Variants in SHLD1 observed in about 807,000 individuals in gnomAD.
SHLD1 encodes RINN1-REV7-interacting novel NHEJ regulator 3.
A neutral mutation model predicts 5.5 loss-of-function variants in SHLD1; 3 were observed. The ratio of observed to expected loss-of-function variants is 0.54; its 90% CI spans 0.25 to 1.40. The LOEUF is 1.40. SHLD1 is among the 40% of genes most tolerant of loss of function. The probability of loss-of-function intolerance (pLI) is 0.15; values close to 1 mark genes in which losing one functional copy is unlikely to be tolerated. For synonymous variants in SHLD1, 92 were observed against 94.3 expected, an observed-to-expected ratio of 0.98 and a Z score of 0.14; for missense variants, 210 against 244.4, an observed-to-expected ratio of 0.86 and a Z score of 0.94.
intron 2 of SHLD1, among the ~76,000 whole-genome samples, chr20:5,789,208 CTTTT>C (rs10545298): frequency 6.0e-4 from 85 of 141,946 alleles, no homozygotes; most frequent in East Asian, 8.2e-4. Context: ...AAAAGTTGTG[CTTTT>C]TTTTTTTTTT....
chr20:5,802,168 A>G (rs972707146), intron 2 of SHLD1, among the ~76,000 whole-genome samples: 5 of 152,216 alleles, frequency 3.3e-5, no homozygotes, highest in African/African-American at 7.2e-5. Flanking sequence ...AAGAAAAAGC[A>G]TGTCCAGATC....
chr20:5,839,482 T>A (rs1000848107), intron 2 of SHLD1, among the ~76,000 whole-genome samples: 19 of 110,968 alleles, frequency 1.7e-4, no homozygotes, highest in African/African-American at 3.0e-4. Context: ...ATAAATTAGA[T>A]AGAAAGATAG....
Position 5,809,659 on chromosome 20 carries a change from T to C in SHLD1, c.178+36616T>C, listed in dbSNP as rs556849689. 6.6e-5 allele frequency among the ~76,000 whole-genome samples: 10 copies of C among 152,200 alleles called. No individual in the cohort carries two copies. The South Asian group carries it at 1.2e-3, about 19-fold the overall frequency. ...CAACTTAAATATTTCCTCTACACCA[T>C]TGGTTCTCAACCAGTGGCCGTTGCC... On this transcript the variant is annotated intron_variant, in intron 2 of 2. Coordinates refer to ENST00000303142, the MANE Select transcript of SHLD1 (RefSeq NM_152504.4).
intron 2 of SHLD1, among the ~76,000 whole-genome samples, chr20:5,858,206 A>G (rs147561652): frequency 2.4e-3 from 370 of 152,278 alleles, no homozygotes; most frequent in Middle Eastern, 6.8e-3. Flanking sequence ...ACTCTGGACA[A>G]TCAAGCAGGG....
intron 1 of SHLD1, chr20:5,772,264 GC>G (rs1323349976): frequency 2.4e-6 from 1 of 418,914 alleles, no homozygotes; most frequent in African/African-American, 2.0e-5. Flanking sequence ...GTGTTTTGGG[GC>G]CATTAATAAG....
At chr20:5,841,310 G>A (rs1381192982) in intron 2 of SHLD1, among the ~76,000 whole-genome samples, 25 of 151,482 alleles carry the variant, frequency 1.7e-4, no homozygotes, top group Admixed American at 1.6e-3. Flanking sequence ...TATATATGTG[G>A]GTGTATACCC....
At position 5,774,772 on chromosome 20, in the gene SHLD1, T is replaced by C. The variant is rs185161321; in HGVS notation, c.178+1729T>C. ...CAATCACCTCCCACCAGGCCCCACTTCCAACACTGGGGATGACAATTCCAC... is the reference window on the plus strand; with the variant it reads ...CAATCACCTCCCACCAGGCCCCACTCCCAACACTGGGGATGACAATTCCAC... On this transcript the variant is annotated intron_variant, in intron 2 of 2. Coordinates refer to ENST00000303142, the MANE Select transcript of SHLD1 (RefSeq NM_152504.4). Among the ~76,000 whole-genome samples the C allele has an allele frequency of 4.9e-3, 745 of 152,218 alleles. 4 individuals carry two copies. Among genetic ancestry groups the C allele is most frequent in the African/African-American group, 0.017 (724 of 41,528 alleles).
At chr20:5,807,346 C>G (rs941714950) in intron 2 of SHLD1, among the ~76,000 whole-genome samples, 2 of 150,370 alleles carry the variant, frequency 1.3e-5, no homozygotes, top group African/African-American at 4.9e-5. Flanking sequence ...TTCCTTCCTT[C>G]TTTCCTTCTT....
chr20:5,783,890 G>A (rs1478603431), intron 2 of SHLD1, among the ~76,000 whole-genome samples: 1 of 152,088 alleles, frequency 6.6e-6, no homozygotes, highest in African/African-American at 2.4e-5. Context: ...GGTGGCTCAC[G>A]CCTGTAATCC....
chr20:5,835,968 AC>A (rs1568525356), intron 2 of SHLD1, among the ~76,000 whole-genome samples: 1 of 152,126 alleles, frequency 6.6e-6, no homozygotes, highest in Non-Finnish European at 1.5e-5. Context: ...TACTAACATG[AC>A]CGATCGGAGG....
At chr20:5,811,126 A>G (rs931036583) in intron 2 of SHLD1, among the ~76,000 whole-genome samples, 5 of 152,142 alleles carry the variant, frequency 3.3e-5, no homozygotes, top group African/African-American at 1.2e-4. Flanking sequence ...TATTTGATCC[A>G]TATAGTAATC....
intron 2 of SHLD1, among the ~76,000 whole-genome samples, chr20:5,843,229 C>G (rs1182099385): frequency 6.6e-6 from 1 of 151,584 alleles, no homozygotes; most frequent in East Asian, 1.9e-4. Flanking sequence ...GTTTTTAGAC[C>G]ACAAAAATAG....
chr20:5,772,760 T>TAA, intron 1 of SHLD1, 102 bp from the exon 2 acceptor site: 1 of 1,174,224 alleles, frequency 8.5e-7, no homozygotes, highest in East Asian at 2.6e-5. Flanking sequence ...AAAATAAAAA[T>TAA]AAAAATAAAA....
At chr20:5,791,307 G>A (rs1201625613) in intron 2 of SHLD1, among the ~76,000 whole-genome samples, 7 of 151,920 alleles carry the variant, frequency 4.6e-5, no homozygotes, top group Non-Finnish European at 7.4e-5. Flanking sequence ...GCTTCCACCT[G>A]TAATCCTAGC....
chr20:5,841,220 C>A (rs1327996326), intron 2 of SHLD1, among the ~76,000 whole-genome samples: 1 of 150,476 alleles, frequency 6.6e-6, no homozygotes, highest in Non-Finnish European at 1.5e-5. Flanking sequence ...CATATGTATA[C>A]ATAAATATTT....
At chr20:5,824,756 G>T (rs938117052) in intron 2 of SHLD1, among the ~76,000 whole-genome samples, 3 of 152,030 alleles carry the variant, frequency 2.0e-5, no homozygotes, top group African/African-American at 7.3e-5. Flanking sequence ...CTGTAACATG[G>T]ATTGAAGTTT....
At chr20:5,843,692 T>C (rs2087894401) in intron 2 of SHLD1, among the ~76,000 whole-genome samples, 1 of 152,248 alleles carries the variant, frequency 6.6e-6, no homozygotes, top group Non-Finnish European at 1.5e-5. Context: ...CAGTCAAACA[T>C]TTTAAAAGAT....
At chr20:5,836,355 G>T (rs1244965081) in intron 2 of SHLD1, among the ~76,000 whole-genome samples, 1 of 152,162 alleles carries the variant, frequency 6.6e-6, no homozygotes, top group Admixed American at 6.5e-5. Context: ...TGTAAAAAAT[G>T]ATTCCAATTC....
At chr20:5,827,132 G>C (rs1247665887) in intron 2 of SHLD1, among the ~76,000 whole-genome samples, 2 of 10,418 alleles carry the variant, frequency 1.9e-4, no homozygotes. Context: ...GCATGAGTGG[G>C]CGTGGCACCC....
Sources: gnomAD v4.1 joint callset for allele counts (sites outside exome capture counted in the v4.1 genomes callset) on GRCh38, gnomAD v4.1.1 for gene constraint, MANE v1.5 for transcripts, NCBI Gene and HGNC (gene_info 2026-07-23, HGNC 2026-07-21) for gene names.